The following OSBPL10 variants were observed in gnomAD, a reference collection of about 807,000 sequenced individuals.
OSBPL10 encodes oxysterol-binding protein-related protein 10.
Under a neutral mutation model 81.7 loss-of-function variants are expected in OSBPL10, and 49 were observed. The observed-to-expected ratio is 0.60, with a 90% CI of 0.48 to 0.76. The LOEUF (loss-of-function observed/expected upper bound fraction) is 0.76, where lower values mean the gene tolerates loss of function less well. OSBPL10 is among the 30% of genes least tolerant of loss of function. The pLI is 0.00. For missense variants in OSBPL10, 923 were observed against 987.8 expected, an observed-to-expected ratio of 0.93 and a Z score of 0.88; for synonymous variants, 419 against 383.6, an observed-to-expected ratio of 1.09 and a Z score of -1.08.
At chr3:31,768,725 G>A (rs758271741) in intron 4 of OSBPL10, among the ~76,000 whole-genome samples, 15 of 152,094 alleles carry the variant, frequency 9.9e-5, no homozygotes, top group African/African-American at 3.1e-4. Context: ...CCACCCCAAC[G>A]CATCAGGAAC....
At position 31,673,468 on chromosome 3, in the gene OSBPL10, C is replaced by T. The variant is rs1700376958; in HGVS notation, c.1727-2485G>A. On this transcript the variant is annotated intron_variant, in intron 8 of 11. Coordinates refer to ENST00000396556, the MANE Select transcript of OSBPL10 (RefSeq NM_017784.5). ...ATATCCCTCTCTACTCAAGTTTTAT[C>T]TCCCAAGACCCCGGTTCCTTGGGTG... is the stretch of plus-strand genomic sequence containing the variant. Among the ~76,000 whole-genome samples, 3 of 152,152 alleles carry T rather than the reference C, an allele frequency of 2.0e-5. 1 individual carries two copies. In the South Asian group the frequency reaches 6.2e-4, roughly 32 times the overall value.
Position 31,661,325 on chromosome 3 carries a change from T to C in OSBPL10, c.*747A>G, listed in dbSNP as rs1700067028. The C allele has an allele frequency of 6.6e-6, 1 of 152,226 alleles. No individual in the cohort carries two copies. Among genetic ancestry groups the C allele is most frequent in the African/African-American group, 2.4e-5 (1 of 41,444 alleles). The allele number at this position is 152,226 out of a possible 1,614,324, so 9.4% of individuals were successfully genotyped here. ...GTCTCCATATGATTGACTGGTTTTC[T>C]GATGTAAAAGAAGCAACTTCTCAAA... is the stretch of plus-strand genomic sequence containing the variant. On this transcript the variant is annotated 3_prime_UTR_variant, in exon 12 of 12. Transcript: ENST00000396556.
chr3:31,968,053 A>G (rs1698452142), intron 1 of OSBPL10, among the ~76,000 whole-genome samples: 1 of 152,260 alleles, frequency 6.6e-6, no homozygotes, highest in South Asian at 2.1e-4. Context: ...ATAAGTATTT[A>G]CTATTAAAGA....
chr3:31,777,206 T>C lies in OSBPL10; in HGVS notation c.730-29086A>G, dbSNP rs556532215. Among the ~76,000 whole-genome samples, 166 of 152,354 alleles carry C rather than the reference T, an allele frequency of 1.1e-3. 1 individual carries two copies. The highest frequency in any genetic ancestry group is 3.4e-3 in the Middle Eastern group (1 of 294). On this transcript the variant is annotated intron_variant, in intron 4 of 11. Coordinates refer to ENST00000396556, the MANE Select transcript of OSBPL10 (RefSeq NM_017784.5). ...AACAGCACATCAGATGACATGCCCC[T>C]GGCTCATCTTTGCCCAGCTCTGGAT...
intron 5 of OSBPL10, among the ~76,000 whole-genome samples, chr3:31,745,018 C>T (rs1697477488): frequency 6.6e-6 from 1 of 152,206 alleles, no homozygotes; most frequent in African/African-American, 2.4e-5. Context: ...CAGCGAGGGT[C>T]ACTGAGGCTC....
intron 3 of OSBPL10, among the ~76,000 whole-genome samples, chr3:31,836,698 C>T (rs1488479607): frequency 6.6e-6 from 1 of 152,122 alleles, no homozygotes; most frequent in Non-Finnish European, 1.5e-5. Context: ...GCACACCACC[C>T]TTTTTTCTCC....
At chr3:31,987,642 T>C (rs945566653) in intron 2 of OSBPL10, among the ~76,000 whole-genome samples, 2 of 152,198 alleles carry the variant, frequency 1.3e-5, no homozygotes, top group Non-Finnish European at 2.9e-5. Flanking sequence ...TCTCTCATCC[T>C]CTAGCAGGCC....
At chr3:31,964,376 C>G (rs1698253106) in intron 1 of OSBPL10, among the ~76,000 whole-genome samples, 1 of 152,090 alleles carries the variant, frequency 6.6e-6, no homozygotes, top group African/African-American at 2.4e-5. Context: ...AGATTAGTCT[C>G]AAACTCCTGG....
intron 4 of OSBPL10, among the ~76,000 whole-genome samples, chr3:31,823,372 G>A (rs1222679978): frequency 6.6e-6 from 1 of 152,292 alleles, no homozygotes; most frequent in East Asian, 1.9e-4. Flanking sequence ...TTTCACATAG[G>A]TATCTGTGGT....
chr3:31,881,576 G>A (rs1575597494), intron 1 of OSBPL10, among the ~76,000 whole-genome samples: 1 of 152,288 alleles, frequency 6.6e-6, no homozygotes, highest in African/African-American at 2.4e-5. Context: ...GAACAGCAAT[G>A]TCCAGTATGA....
At chr3:31,751,833 C>T (rs1357658929) in intron 4 of OSBPL10, among the ~76,000 whole-genome samples, 3 of 152,326 alleles carry the variant, frequency 2.0e-5, no homozygotes, top group Middle Eastern at 3.4e-3. Flanking sequence ...CTTCACTTTA[C>T]GTTAGCTTCA....
chr3:31,814,404 T>C (rs1315609249), intron 4 of OSBPL10, among the ~76,000 whole-genome samples: 7 of 152,232 alleles, frequency 4.6e-5, no homozygotes, highest in Admixed American at 6.5e-5. Flanking sequence ...TGACCTTCCT[T>C]GGAAATAGGA....
intron 4 of OSBPL10, among the ~76,000 whole-genome samples, chr3:31,806,924 G>C (rs1699535496): frequency 6.6e-6 from 1 of 152,070 alleles, no homozygotes; most frequent in African/African-American, 2.4e-5. Flanking sequence ...CCAGGAAACA[G>C]GGGTCTGGGA....
chr3:31,832,701 A>T (rs1200599742), intron 3 of OSBPL10, among the ~76,000 whole-genome samples: 3 of 152,222 alleles, frequency 2.0e-5, no homozygotes, highest in Non-Finnish European at 2.9e-5. Context: ...TACAGCCAGA[A>T]AATGTCAAAG....
intron 1 of OSBPL10, among the ~76,000 whole-genome samples, chr3:31,933,041 G>A (rs1697291350): frequency 6.6e-6 from 1 of 152,086 alleles, no homozygotes; most frequent in Non-Finnish European, 1.5e-5. Context: ...AACAAATACA[G>A]TATACTAGAA....
At chr3:31,723,609 C>CA (rs1184165462) in intron 6 of OSBPL10, among the ~76,000 whole-genome samples, 4 of 150,930 alleles carry the variant, frequency 2.7e-5, no homozygotes, top group Non-Finnish European at 4.4e-5. Flanking sequence ...TCATCAGTAC[C>CA]AAAAAAAATT....
At chr3:31,678,412 C>T (rs977713881) in intron 8 of OSBPL10, among the ~76,000 whole-genome samples, 1 of 152,304 alleles carries the variant, frequency 6.6e-6, no homozygotes, top group East Asian at 1.9e-4. Flanking sequence ...CAATCACACA[C>T]GTGACACCAC....
At position 31,886,011 on chromosome 3, in the gene OSBPL10, A is replaced by AAAAAG. The variant is rs1553637240; in HGVS notation, c.282-6182_282-6181insCTTTT. Among the ~76,000 whole-genome samples the AAAAAG allele has an allele frequency of 5.9e-4, 84 of 142,756 alleles. 1 individual carries two copies. Among genetic ancestry groups the AAAAAG allele is most frequent in the Middle Eastern group, 3.5e-3 (1 of 288 alleles). 93.7% of individuals were successfully genotyped at this position (142,756 alleles called of 152,430 possible). ...ACTCCATCTCAAAAAAAAAAAAAAA[A>AAAAAG]AAAGAAAGAAAGAAAGAAAGGAGAA... is the stretch of plus-strand genomic sequence containing the variant. On this transcript the variant is annotated intron_variant, in intron 1 of 11. Coordinates refer to ENST00000396556, the MANE Select transcript of OSBPL10 (RefSeq NM_017784.5).
At chr3:32,030,330 G>A in intron 2 of OSBPL10, 1 of 486,358 alleles carries the variant, frequency 2.1e-6, no homozygotes. Flanking sequence ...TCAAGGGAAT[G>A]GGCGCCGTTC....
Sources: gnomAD v4.1 joint callset for allele counts (sites outside exome capture counted in the v4.1 genomes callset) on GRCh38, gnomAD v4.1.1 for gene constraint, MANE v1.5 for transcripts, NCBI Gene and HGNC (gene_info 2026-07-23, HGNC 2026-07-21) for gene names.